Variants in HSPA4L observed in about 807,000 individuals in gnomAD.
HSPA4L encodes heat shock protein family A (Hsp70) member 4 like, also known as heat shock 70 kDa protein 4L.
In HSPA4L, 48 loss-of-function variants were observed where a neutral mutation model predicts 100.3. The observed-to-expected ratio is 0.48, with a 90% CI of 0.38 to 0.61. The LOEUF is 0.61. HSPA4L is among the 20% of genes least tolerant of loss of function. The pLI is 0.00. For missense variants in HSPA4L, 886 were observed against 988.6 expected (o/e 0.90, Z 1.39); for synonymous variants, 319 against 328.2 (o/e 0.97, Z 0.30).
chr4:127,827,787 G>C (rs1578724077), intron 17 of HSPA4L, among the ~76,000 whole-genome samples: 2 of 151,922 alleles, frequency 1.3e-5, no homozygotes, highest in East Asian at 3.9e-4. Flanking sequence ...TTTGAGACTG[G>C]ACTCTGCTAG....
In HSPA4L at chr4:127,803,763, A is replaced by G. The variant is rs755406215; in HGVS notation, c.798A>G (p.Leu266=). 1.9e-5 allele frequency: 31 copies of G among 1,613,914 alleles called. No homozygotes were observed. The highest frequency in any genetic ancestry group is 5.0e-5 in the Admixed American group (3 of 59,986). Residue 266 remains leucine, a synonymous_variant, in exon 7 of 19, where the codon TTA becomes TTG. Transcript: ENST00000296464. The part of the protein sequence containing the change: ...VKENSRALLR[L]YQECEKLKKL... ...AAAACTCTCGGGCCTTGTTGCGTTT[A>G]TATCAGGAATGTGAAAAACTAAAGA...
At chr4:127,826,188 C>G (rs545290264) in intron 16 of HSPA4L, among the ~76,000 whole-genome samples, 8 of 152,242 alleles carry the variant, frequency 5.3e-5, no homozygotes, top group African/African-American at 1.9e-4. Context: ...AGGAGAATCA[C>G]TTGAAGCCAG....
chr4:127,790,400 C>T (rs1356750219), intron 1 of HSPA4L, among the ~76,000 whole-genome samples: 4 of 152,206 alleles, frequency 2.6e-5, no homozygotes, highest in Non-Finnish European at 5.9e-5. Context: ...GGAATGCCAA[C>T]ATCCACACAT....
rs1268483066 is a variant in HSPA4L, at chr4:127,834,440, A to G, written c.*1566A>G. On this transcript the variant is annotated 3_prime_UTR_variant, in exon 19 of 19. Transcript: ENST00000296464. Reference sequence around the variant, plus strand: ...CTACAATGTAGTCAGCACTTAATGGAGAGTATGGAGTAGTGCATTTTGCAG... The same window carrying G: ...CTACAATGTAGTCAGCACTTAATGGGGAGTATGGAGTAGTGCATTTTGCAG... The G allele has an allele frequency of 2.6e-5, 4 of 152,154 alleles. No individual in the cohort carries two copies. Among genetic ancestry groups the G allele is most frequent in the African/African-American group, 4.8e-5 (2 of 41,444 alleles). The allele number at this position is 152,154 out of a possible 1,614,324, so 9.4% of individuals were successfully genotyped here.
At chr4:127,811,330 C>T in intron 11 of HSPA4L, 107 bp from the exon 12 acceptor site, 1 of 774,382 alleles carries the variant, frequency 1.3e-6, no homozygotes, top group South Asian at 1.7e-5. Flanking sequence ...TAATTATTGC[C>T]AAGATGATTA....
chr4:127,799,537 T>C (rs1050618158), intron 4 of HSPA4L, among the ~76,000 whole-genome samples: 3 of 152,182 alleles, frequency 2.0e-5, no homozygotes, highest in South Asian at 2.1e-4. Context: ...ACAGCTAATA[T>C]AGTGTTAGAG....
At position 127,816,359 on chromosome 4, in the gene HSPA4L, C is replaced by T. The variant is rs1733670575; in HGVS notation, c.1579-1966C>T. Among the ~76,000 whole-genome samples, 6 of 152,008 alleles carry T rather than the reference C, an allele frequency of 3.9e-5. No homozygotes were observed. In the South Asian group the frequency reaches 1.2e-3, roughly 32 times the overall value. On this transcript the variant is annotated intron_variant, in intron 12 of 18. Transcript: ENST00000296464. ...TAACAGTTTATTACCATTTCATATC[C>T]ATTTTAAGATGTGTAATTTTCTGCT...
At chr4:127,809,705 G>T (rs1400097341) in intron 11 of HSPA4L, among the ~76,000 whole-genome samples, 1 of 152,148 alleles carries the variant, frequency 6.6e-6, no homozygotes, top group Non-Finnish European at 1.5e-5. Flanking sequence ...TAACTTTTTT[G>T]TAATGCTGTT....
At chr4:127,817,902 G>C (rs1733713245) in intron 12 of HSPA4L, among the ~76,000 whole-genome samples, 1 of 152,082 alleles carries the variant, frequency 6.6e-6, no homozygotes, top group Non-Finnish European at 1.5e-5. Flanking sequence ...GAACATGCAA[G>C]TTTGTTACAT....
chr4:127,819,742 T>C (rs1733760099), intron 13 of HSPA4L, among the ~76,000 whole-genome samples: 1 of 152,194 alleles, frequency 6.6e-6, no homozygotes, highest in South Asian at 2.1e-4. Flanking sequence ...TACTTATTTG[T>C]GACTGGCTTT....
At chr4:127,794,055 A>G in intron 1 of HSPA4L, 22 bp from the exon 2 acceptor site, 3 of 1,568,050 alleles carry the variant, frequency 1.9e-6, no homozygotes, top group Non-Finnish European at 2.6e-6. Context: ...CATGGAACAA[A>G]CTTTTTGTTT....
chr4:127,833,991 T>C lies in HSPA4L; in HGVS notation c.*1117T>C, dbSNP rs1371148652. 1.3e-5 allele frequency: 2 copies of C among 152,324 alleles called. No homozygotes were observed. The highest frequency in any genetic ancestry group is 3.9e-4 in the East Asian group (2 of 5,190). The allele number at this position is 152,324 out of a possible 1,614,324, so 9.4% of individuals were successfully genotyped here. A position where few individuals can be genotyped will look rare whatever the true frequency, so the allele number is the denominator to read the frequency against. ...TGTGTGATTAAATTATAGTTCCTGC[T>C]GTTAACATTACCTTTTGAAACCTTG... On this transcript the variant is annotated 3_prime_UTR_variant, in exon 19 of 19. Coordinates refer to ENST00000296464, the MANE Select transcript of HSPA4L (RefSeq NM_014278.4).
At chr4:127,797,132 G>A (rs991705206) in intron 3 of HSPA4L, among the ~76,000 whole-genome samples, 1 of 151,974 alleles carries the variant, frequency 6.6e-6, no homozygotes, top group Non-Finnish European at 1.5e-5. Context: ...AGAAGTTGAA[G>A]ACAGGGAACA....
At chr4:127,826,986 T>C (rs575653082) in intron 16 of HSPA4L, among the ~76,000 whole-genome samples, 3 of 152,290 alleles carry the variant, frequency 2.0e-5, no homozygotes, top group Admixed American at 2.0e-4. Flanking sequence ...AGTATAGTTT[T>C]TACAGTTTTC....
rs1436940820 is a variant in HSPA4L, at chr4:127,794,058, TTTTG to T, written c.108-15_108-12del. 6.4e-7 allele frequency: 1 copy of T among 1,571,890 alleles called. No homozygotes were observed. The highest frequency in any genetic ancestry group is 8.6e-7 in the Non-Finnish European group (1 of 1,157,440). On this transcript the variant is annotated splice_polypyrimidine_tract_variant and intron_variant, in intron 1 of 18. Transcript: ENST00000296464. Reference sequence around the variant, plus strand: ...ATATAAAAGTACCATGGAACAAACTTTTTGTTTTTCTGGTTTAGGGCCTGTATAT... The same window carrying T: ...ATATAAAAGTACCATGGAACAAACTTTTTTTCTGGTTTAGGGCCTGTATAT...
Position 127,783,496 on chromosome 4 carries a change from C to G in HSPA4L, c.107+839C>G, listed in dbSNP as rs1248829995. Reference sequence around the variant, plus strand: ...TTAATGAAAGGCTTAGGAGGAGCGGCGTTATGTCATGGAAACATGTTTCCA... The same window carrying G: ...TTAATGAAAGGCTTAGGAGGAGCGGGGTTATGTCATGGAAACATGTTTCCA... On this transcript the variant is annotated intron_variant, in intron 1 of 18. Coordinates refer to ENST00000296464, the MANE Select transcript of HSPA4L (RefSeq NM_014278.4). 4.8e-6 allele frequency: 7 copies of G among 1,464,696 alleles called. No homozygotes were observed. In the Admixed American group the frequency reaches 1.2e-4, roughly 25 times the overall value. The allele number at this position is 1,464,696 out of a possible 1,614,324, so 90.7% of individuals were successfully genotyped here.
chr4:127,806,521 A>G (rs1260843372), intron 10 of HSPA4L, among the ~76,000 whole-genome samples: 1 of 151,990 alleles, frequency 6.6e-6, no homozygotes, highest in Non-Finnish European at 1.5e-5. Context: ...TGCCTCTTTT[A>G]GCTCATTTTC....
At chr4:127,794,698 A>AT (rs896595726) in intron 2 of HSPA4L, among the ~76,000 whole-genome samples, 5 of 152,156 alleles carry the variant, frequency 3.3e-5, no homozygotes, top group African/African-American at 1.2e-4. Context: ...TATTTCTTGC[A>AT]TTTTATATAT....
In HSPA4L at chr4:127,808,001, G is replaced by A; in HGVS notation, c.1250G>A (p.Cys417Tyr). 1 of 1,608,130 alleles carries A rather than the reference G, an allele frequency of 6.2e-7. No individual in the cohort carries two copies. The highest frequency in any genetic ancestry group is 8.5e-7 in the Non-Finnish European group (1 of 1,178,450). Residue 417 changes from cysteine to tyrosine, a missense_variant, in exon 11 of 19, where the codon TGT (cysteine) becomes TAT (tyrosine). Cys to Tyr is a radical substitution (Grantham distance 194). Transcript: ENST00000296464. ...KTSFEDGSGE[C>Y]EVFCKNHPAP... ...GTTCTTTCCCTCCATTTTAGGGAAT[G>A]TGAAGTTTTCTGTAAGAACCATCCT... is the stretch of plus-strand genomic sequence containing the variant.
Sources: allele counts gnomAD v4.1 joint callset (sites outside exome capture counted in the v4.1 genomes callset), GRCh38; gene constraint gnomAD v4.1.1; transcripts MANE v1.5; gene names NCBI Gene and HGNC (gene_info 2026-07-23, HGNC 2026-07-21).